Variants in PHF14 observed in about 807,000 individuals in gnomAD.
The protein encoded by PHF14 is PHD finger protein 14.
PHF14 carries 55 observed loss-of-function variants against 117.9 expected under a neutral mutation model. The observed-to-expected ratio is 0.47, with a 90% confidence interval of 0.38 to 0.58. The LOEUF is 0.58. PHF14 is among the 20% of genes least tolerant of loss of function. The pLI is 0.00. For missense variants in PHF14, 978 were observed against 1,122.2 expected (o/e 0.87, Z 1.84); for synonymous variants, 409 against 368.6 (o/e 1.11, Z -1.26).
chr7:11,169,003 T>G (rs1449465084), intron 17 of PHF14, among the ~76,000 whole-genome samples: 1 of 151,860 alleles, frequency 6.6e-6, no homozygotes, highest in Non-Finnish European at 1.5e-5. Context: ...TACAAGTAAT[T>G]GGAAAATTGG....
At chr7:10,994,497 G>A (rs1000001124) in intron 4 of PHF14, among the ~76,000 whole-genome samples, 8 of 152,188 alleles carry the variant, frequency 5.3e-5, no homozygotes, top group African/African-American at 1.7e-4. Context: ...TGGCACAGAA[G>A]TTTGTATGGC....
chr7:11,150,983 AG>A (rs1788685687), intron 17 of PHF14, among the ~76,000 whole-genome samples: 1 of 152,216 alleles, frequency 6.6e-6, no homozygotes, highest in Admixed American at 6.5e-5. Flanking sequence ...GAAAAGTAAA[AG>A]AACTACACTG....
intron 6 of PHF14, among the ~76,000 whole-genome samples, chr7:11,026,540 C>T (rs763525952): frequency 8.5e-5 from 13 of 152,110 alleles, no homozygotes; most frequent in Non-Finnish European, 1.6e-4. Context: ...CTAGAAAAGG[C>T]TCAGAGATGC....
At chr7:11,160,641 CTT>C (rs1200467433) in intron 17 of PHF14, among the ~76,000 whole-genome samples, 1 of 151,910 alleles carries the variant, frequency 6.6e-6, no homozygotes, top group Non-Finnish European at 1.5e-5. Flanking sequence ...GAGATAATAT[CTT>C]TTTGATTTGC....
Position 10,982,599 on chromosome 7 carries a change from A to T in PHF14, c.340A>T (p.Lys114Ter). 6.6e-7 allele frequency: 1 copy of T among 1,512,618 alleles called. No homozygotes were observed. Among genetic ancestry groups the T allele is most frequent in the Non-Finnish European group, 9.0e-7 (1 of 1,115,512 alleles). The allele number at this position is 1,512,618 out of a possible 1,614,324, so 93.7% of individuals were successfully genotyped here. A position where few individuals can be genotyped will look rare whatever the true frequency, so the allele number is the denominator to read the frequency against. ...AGAAAATGGAGAAAGACCTAGAAAG[A>T]AAAAGGAGAAAGAGAAGGAAAAAGA... Reference protein sequence around the residue: ...EEENGERPRKKKEKEKEKEKE... With the variant: ...EEENGERPRK The change falls in exon 3 of 18, where the codon AAA (lysine) becomes TAA (stop). Residue 114 changes from lysine (K) to a stop codon, truncating the protein, a stop_gained. Coordinates refer to ENST00000634607, the MANE Select transcript of PHF14 (RefSeq NM_001007157.2). LOFTEE classifies it high-confidence loss of function.
At chr7:11,100,290 T>C (rs2128341078) in intron 16 of PHF14, among the ~76,000 whole-genome samples, 1 of 152,150 alleles carries the variant, frequency 6.6e-6, no homozygotes, top group Non-Finnish European at 1.5e-5. Context: ...AATGTTATTT[T>C]TAAGTCATTT....
chr7:11,074,824 C>T (rs550291188), intron 16 of PHF14, among the ~76,000 whole-genome samples: 2 of 152,210 alleles, frequency 1.3e-5, no homozygotes, highest in Non-Finnish European at 2.9e-5. Context: ...CTTAACAATA[C>T]TCTAAGAAGT....
At chr7:11,050,817 G>A (rs2128326482) in intron 13 of PHF14, among the ~76,000 whole-genome samples, 1 of 152,180 alleles carries the variant, frequency 6.6e-6, no homozygotes, top group Admixed American at 6.5e-5. Flanking sequence ...TCTTTTAGAA[G>A]TAGTAGGGGC....
intron 16 of PHF14, chr7:11,104,713 T>A: frequency 1.3e-6 from 1 of 759,436 alleles, no homozygotes; most frequent in Non-Finnish European, 1.6e-6. Flanking sequence ...CACAGGTGAC[T>A]ACCCTATTCC....
intron 17 of PHF14, among the ~76,000 whole-genome samples, chr7:11,122,455 AT>A (rs998007912): frequency 2.8e-5 from 4 of 142,474 alleles, no homozygotes; most frequent in African/African-American, 1.1e-4. Context: ...ATATATATAT[AT>A]TGTGTGTGTG....
At chr7:11,041,337 C>G (rs980373202) in intron 12 of PHF14, among the ~76,000 whole-genome samples, 11 of 151,834 alleles carry the variant, frequency 7.2e-5, no homozygotes, top group Non-Finnish European at 1.3e-4. Context: ...ATAGTCAAGA[C>G]TTCTTTCCAT....
At chr7:10,994,438 CA>C (rs1014417138) in intron 4 of PHF14, among the ~76,000 whole-genome samples, 1 of 150,410 alleles carries the variant, frequency 6.6e-6, no homozygotes, top group Admixed American at 6.6e-5. Flanking sequence ...GACTCCGTCT[CA>C]AAAAAAAAGA....
intron 3 of PHF14, among the ~76,000 whole-genome samples, chr7:10,987,337 A>C (rs1369579406): frequency 2.6e-5 from 4 of 152,120 alleles, no homozygotes; most frequent in Admixed American, 2.0e-4. Flanking sequence ...ATTTTACAGG[A>C]AATGTGCTGG....
intron 16 of PHF14, chr7:11,104,005 G>C: frequency 1.0e-6 from 1 of 984,950 alleles, no homozygotes; most frequent in South Asian, 4.7e-5. Context: ...AACTCTGGCT[G>C]CTTTTAAGCA....
intron 7 of PHF14, 21 bp from the exon 8 acceptor site, chr7:11,035,619 T>C (rs1259973862): frequency 2.0e-6 from 3 of 1,526,972 alleles, no homozygotes; most frequent in Non-Finnish European, 1.8e-6. Context: ...TTCACTATTT[T>C]TCTGTGCTTT....
At chr7:11,062,702 C>G (rs1015363070) in intron 16 of PHF14, 1 of 984,800 alleles carries the variant, frequency 1.0e-6, no homozygotes, top group Non-Finnish European at 1.2e-6. Context: ...TTAGCTGATG[C>G]TGCACATTGG....
Position 10,974,817 on chromosome 7 carries a change from A to AT in PHF14, c.2-11dup. ...TGGTGTGATTATGAATGACAATGTA[A>AT]TTTTTTTCTCTTCACAGTGGATCGC... is the stretch of plus-strand genomic sequence containing the variant. On this transcript the variant is annotated splice_polypyrimidine_tract_variant and intron_variant, in intron 1 of 17. Transcript: ENST00000634607. 5 of 1,345,142 alleles carry AT rather than the reference A, an allele frequency of 3.7e-6. No homozygotes were observed. The highest frequency in any genetic ancestry group is 5.2e-6 in the Non-Finnish European group (5 of 962,728). 83.3% of individuals were successfully genotyped at this position (1,345,142 alleles called of 1,614,324 possible). A position where few individuals can be genotyped will look rare whatever the true frequency, so the allele number is the denominator to read the frequency against.
Position 11,130,823 on chromosome 7 carries a change from A to G in PHF14, c.2772+19356A>G, listed in dbSNP as rs149497036. Among the ~76,000 whole-genome samples, 2,388 of 151,984 alleles carry G rather than the reference A, an allele frequency of 0.016. 41 individuals are homozygous for G. The highest frequency in any genetic ancestry group is 0.082 in the South Asian group (395 of 4,824). Reference sequence around the variant, plus strand: ...CCTAAAGATCTCCTGTGCTCTGCCTATTCACCACTCCCTCTCTACCATCAA... The same window carrying G: ...CCTAAAGATCTCCTGTGCTCTGCCTGTTCACCACTCCCTCTCTACCATCAA... On this transcript the variant is annotated intron_variant, in intron 17 of 17. Transcript: ENST00000634607. The surrounding 1 kb of genome is among the most constrained non-coding windows in gnomAD (Gnocchi z 4.2).
In PHF14 at chr7:10,999,812, A is replaced by G. The variant is rs78748629; in HGVS notation, c.1045+8965A>G. ...ATGATCAAGCTGAGTGGTAATGCCAATTAAGTCAACAGGATGTTGTGTCTA... is the reference window on the plus strand; with the variant it reads ...ATGATCAAGCTGAGTGGTAATGCCAGTTAAGTCAACAGGATGTTGTGTCTA... On this transcript the variant is annotated intron_variant, in intron 4 of 17. Coordinates refer to ENST00000634607, the MANE Select transcript of PHF14 (RefSeq NM_001007157.2). Among the ~76,000 whole-genome samples the G allele has an allele frequency of 2.0e-5, 3 of 152,360 alleles. No homozygotes were observed. The East Asian group carries it at 5.8e-4, about 29-fold the overall frequency.
Sources: allele counts gnomAD v4.1 joint callset (sites outside exome capture counted in the v4.1 genomes callset), GRCh38; gene constraint gnomAD v4.1.1; non-coding constraint Gnocchi (gnomAD v3.1); transcripts MANE v1.5; gene names NCBI Gene and HGNC (gene_info 2026-07-23, HGNC 2026-07-21).